FARP2: variants seen among roughly 807,000 people sequenced by gnomAD.
The protein encoded by FARP2 is FERM, ARHGEF and pleckstrin domain-containing protein 2.
Under a neutral mutation model 130.5 loss-of-function variants are expected in FARP2, and 111 were observed. The observed-to-expected ratio is 0.85, with a 90% CI of 0.73 to 1.00. FARP2 has a LOEUF of 1.00. FARP2 is among the 50% of genes least tolerant of loss of function. FARP2 has a pLI of 0.00. For missense variants in FARP2, 1,385 were observed against 1,346.3 expected, an observed-to-expected ratio of 1.03 and a Z score of -0.45; for synonymous variants, 504 against 516.9, an observed-to-expected ratio of 0.98 and a Z score of 0.34.
At chr2:241,366,122 CGTATAT>C (rs1235427918) in intron 1 of FARP2, among the ~76,000 whole-genome samples, 10 of 63,726 alleles carry the variant, frequency 1.6e-4, no homozygotes, top group Non-Finnish European at 3.2e-4. Flanking sequence ...TATATATATA[CGTATAT>C]ATATATATAT....
rs148013309 is a variant in FARP2, at chr2:241,408,977, AC to A, written c.410+1364del. Among the ~76,000 whole-genome samples, 48 of 152,196 alleles carry A rather than the reference AC, an allele frequency of 3.2e-4. No homozygotes were observed. The East Asian group carries it at 6.2e-3, about 20-fold the overall frequency. On this transcript the variant is annotated intron_variant, in intron 5 of 26. Coordinates refer to ENST00000264042, the MANE Select transcript of FARP2 (RefSeq NM_014808.4). ...ATAGTGTATTAAATGCCTGACATTT[AC>A]CAAAAAAAAAGTCTCTTTTGAGGGA...
chr2:241,361,124 G>A (rs977705514), intron 1 of FARP2, among the ~76,000 whole-genome samples: 1 of 151,580 alleles, frequency 6.6e-6, no homozygotes, highest in Non-Finnish European at 1.5e-5. Flanking sequence ...ATTTTAGCAC[G>A]TCTGATGGTA....
In FARP2 at chr2:241,493,289, G is replaced by C. The variant is rs2271030; in HGVS notation, c.2896-4G>C. The C allele has an allele frequency of 0.36, 580,594 of 1,612,510 alleles. 107,797 individuals carry two copies. The highest frequency in any genetic ancestry group is 0.57 in the Admixed American group (34,218 of 59,978). The stretch of plus-strand genomic sequence containing the variant: ...GGAACCCGTGTCCCTATGCTGTCTT[G>C]CAGGATGACTACCCACTGGCCAGCC... On this transcript the variant is annotated splice_polypyrimidine_tract_variant and splice_region_variant and intron_variant, in intron 25 of 26. Transcript: ENST00000264042.
intron 8 of FARP2, among the ~76,000 whole-genome samples, chr2:241,428,751 G>A (rs747612058): frequency 1.3e-5 from 2 of 151,796 alleles, no homozygotes; most frequent in East Asian, 1.9e-4. Context: ...ATTTCAGAAC[G>A]TTTTCATCAT....
intron 2 of FARP2, among the ~76,000 whole-genome samples, chr2:241,392,450 T>A (rs893545751): frequency 1.1e-4 from 16 of 152,228 alleles, no homozygotes; most frequent in African/African-American, 3.9e-4. Flanking sequence ...CATGTTGTAC[T>A]GTTTCCTTGA....
chr2:241,492,009 C>T (rs1204272612), intron 24 of FARP2, among the ~76,000 whole-genome samples: 1 of 152,200 alleles, frequency 6.6e-6, no homozygotes, highest in African/African-American at 2.4e-5. Flanking sequence ...CTCCAAAACC[C>T]TTCACCTCGG....
rs1553715970 is a variant in FARP2 at position 241,409,038 on chromosome 2, T to TA, written c.410+1423_410+1424insA. The stretch of plus-strand genomic sequence containing the variant: ...AAATAGAGATAGATAGATAGATAGA[T>TA]GATAGATAGATAGATAGATAGATAG... On this transcript the variant is annotated intron_variant, in intron 5 of 26. Coordinates refer to ENST00000264042, the MANE Select transcript of FARP2 (RefSeq NM_014808.4). Among the ~76,000 whole-genome samples the TA allele has an allele frequency of 9.3e-4, 136 of 146,046 alleles. 1 individual carries two copies. The highest frequency in any genetic ancestry group is 3.5e-3 in the Middle Eastern group (1 of 284).
In FARP2 at chr2:241,475,657, G is replaced by A. The variant is rs538507153; in HGVS notation, c.2132-200G>A. Among the ~76,000 whole-genome samples the A allele has an allele frequency of 6.6e-6, 1 of 152,272 alleles. No homozygotes were observed. The highest frequency in any genetic ancestry group is 2.4e-5 in the African/African-American group (1 of 41,538). ...TCCCCAAACCATTCCTACCACCTCT[G>A]GTCTGTGGAAAAATTGTCTTCCATG... On this transcript the variant is annotated intron_variant, in intron 18 of 26. Coordinates refer to ENST00000264042, the MANE Select transcript of FARP2 (RefSeq NM_014808.4). This position sits in a 1 kb window ranked among gnomAD's most constrained non-coding sequence, Gnocchi z 4.4.
intron 1 of FARP2, among the ~76,000 whole-genome samples, chr2:241,358,057 C>T (rs757191278): frequency 2.0e-5 from 3 of 152,134 alleles, no homozygotes; most frequent in African/African-American, 4.8e-5. Context: ...GGGCTGGTGG[C>T]GCACGCCTGT....
chr2:241,479,282 A>C (rs1178908242), intron 19 of FARP2, among the ~76,000 whole-genome samples: 1 of 152,226 alleles, frequency 6.6e-6, no homozygotes, highest in Admixed American at 6.5e-5. Flanking sequence ...ATCCCCGAAG[A>C]TCATGTAAAG....
intron 1 of FARP2, among the ~76,000 whole-genome samples, chr2:241,366,125 A>ATATATATATACATATATATATACACG (rs1553705676): frequency 1.5e-5 from 1 of 67,368 alleles, no homozygotes; most frequent in Non-Finnish European, 2.8e-5. Flanking sequence ...ATATATACGT[A>ATATATATATACATATATATATACACG]TATATATATA....
In FARP2 at chr2:241,458,029, A is replaced by G. The variant is rs16843703; in HGVS notation, c.1587+1107A>G. Reference sequence around the variant, plus strand: ...CACAAACTGAGAGTCTGCAGGGAGAAAGTGACCGAGCAGAGAAGCTCACTG... The same window carrying G: ...CACAAACTGAGAGTCTGCAGGGAGAGAGTGACCGAGCAGAGAAGCTCACTG... On this transcript the variant is annotated intron_variant, in intron 14 of 26. Coordinates refer to ENST00000264042, the MANE Select transcript of FARP2 (RefSeq NM_014808.4). Among the ~76,000 whole-genome samples, 1,078 of 152,278 alleles carry G rather than the reference A, an allele frequency of 7.1e-3. 30 individuals carry two copies. In the South Asian group the frequency reaches 0.074, roughly 10 times the overall value.
chr2:241,383,761 G>C (rs529273877), intron 2 of FARP2, among the ~76,000 whole-genome samples: 1 of 152,132 alleles, frequency 6.6e-6, no homozygotes, highest in South Asian at 2.1e-4. Flanking sequence ...CAGAAACCCA[G>C]GAGCCAACAT....
intron 10 of FARP2, 40 bp from the exon 11 acceptor site, chr2:241,434,922 C>T (rs2063184568): frequency 8.4e-7 from 1 of 1,184,498 alleles, no homozygotes; most frequent in East Asian, 2.4e-5. Flanking sequence ...TTAATGCTGA[C>T]TTACTGTTCT....
intron 5 of FARP2, among the ~76,000 whole-genome samples, chr2:241,409,827 A>G (rs1387384226): frequency 6.6e-6 from 1 of 152,224 alleles, no homozygotes; most frequent in African/African-American, 2.4e-5. Flanking sequence ...ACATAATTTC[A>G]TCATTCTCAT....
chr2:241,492,686 G>C (rs780143830), intron 24 of FARP2: 1 of 464,492 alleles, frequency 2.2e-6, no homozygotes, highest in East Asian at 3.5e-5. Context: ...ACTGAACACT[G>C]ACTTTATTGT....
chr2:241,371,755 G>C (rs1429770079), intron 1 of FARP2, among the ~76,000 whole-genome samples: 1 of 151,970 alleles, frequency 6.6e-6, no homozygotes, highest in Non-Finnish European at 1.5e-5. Flanking sequence ...CATATTTTTT[G>C]CCATACTATG....
At chr2:241,483,372 C>A in intron 19 of FARP2, 93 bp from the exon 20 acceptor site, 2 of 1,045,146 alleles carry the variant, frequency 1.9e-6, no homozygotes, top group Non-Finnish European at 3.0e-6. Flanking sequence ...GGAGCACAAG[C>A]GGCCACAAGG....
chr2:241,472,045 C>CT (rs1447257571), intron 18 of FARP2, among the ~76,000 whole-genome samples: 1 of 144,806 alleles, frequency 6.9e-6, no homozygotes, highest in Non-Finnish European at 1.5e-5. Flanking sequence ...TGAGAAGACC[C>CT]TGTTTGGAGG....
Sources: allele counts gnomAD v4.1 joint callset (sites outside exome capture counted in the v4.1 genomes callset), GRCh38; gene constraint gnomAD v4.1.1; non-coding constraint Gnocchi (gnomAD v3.1); transcripts MANE v1.5; gene names NCBI Gene and HGNC (gene_info 2026-07-23, HGNC 2026-07-21).